RPA3: variants seen among roughly 807,000 people sequenced by gnomAD.
The protein encoded by RPA3 is replication protein A 14 kDa subunit.
In RPA3, 24 loss-of-function variants were observed where a neutral mutation model predicts 13.7. The observed-to-expected ratio is 1.75, with a 90% CI of 1.27 to 2.46. The LOEUF (loss-of-function observed/expected upper bound fraction) is 2.46, where lower values mean the gene tolerates loss of function less well. RPA3 is among the 30% of genes most tolerant of loss of function. RPA3 has a pLI of 0.00. For synonymous variants in RPA3, 59 were observed against 51.2 expected (o/e 1.15, Z -0.65); for missense variants, 183 against 151.0 (o/e 1.21, Z -1.11).
chr7:7,639,192 T>C (rs1188804470), intron 5 of RPA3, 48 bp from the exon 6 acceptor site: 1 of 1,471,382 alleles, frequency 6.8e-7, no homozygotes, highest in Non-Finnish European at 9.4e-7. Context: ...AACAACAAAG[T>C]TTGACTAAAG....
intron 4 of RPA3, among the ~76,000 whole-genome samples, chr7:7,671,418 A>G (rs1406599289): frequency 2.0e-5 from 3 of 152,204 alleles, no homozygotes; most frequent in East Asian, 1.9e-4. Context: ...TGAGTGCCAC[A>G]TTAGTCTACA....
chr7:7,673,310 TAGCAGC>T, intron 4 of RPA3: 64,316 of 1,030,996 alleles, frequency 0.062, 2,448 homozygotes, highest in East Asian at 0.15. Flanking sequence ...CTATTTCAGG[TAGCAGC>T]AGCAGCAGCA....
chr7:7,697,332 A>G (rs1397260735), intron 2 of RPA3, among the ~76,000 whole-genome samples: 1 of 152,214 alleles, frequency 6.6e-6, no homozygotes, highest in African/African-American at 2.4e-5. Context: ...AGAATCCTCT[A>G]TTCTGCCAGA....
intron 2 of RPA3, among the ~76,000 whole-genome samples, chr7:7,707,105 A>C (rs926803755): frequency 9.9e-5 from 15 of 152,158 alleles, no homozygotes; most frequent in Non-Finnish European, 1.5e-5. Flanking sequence ...CTATTGTACT[A>C]CCATTCCCTG....
chr7:7,667,274 A>G (rs1383665875), intron 4 of RPA3, among the ~76,000 whole-genome samples: 1 of 152,196 alleles, frequency 6.6e-6, no homozygotes, highest in African/African-American at 2.4e-5. Context: ...TAAATGTAAA[A>G]TTTGCTCATT....
intron 2 of RPA3, among the ~76,000 whole-genome samples, chr7:7,703,921 G>A (rs771736939): frequency 2.0e-5 from 3 of 151,948 alleles, no homozygotes; most frequent in East Asian, 1.9e-4. Context: ...AAGCCTGGGC[G>A]ACAGATAACC....
intron 3 of RPA3, among the ~76,000 whole-genome samples, chr7:7,686,805 C>T (rs1780052052): frequency 6.6e-6 from 1 of 152,150 alleles, no homozygotes; most frequent in African/African-American, 2.4e-5. Flanking sequence ...AGTTTCTGGC[C>T]AATGGGATAT....
At chr7:7,647,606 A>G (rs763987390) in intron 4 of RPA3, among the ~76,000 whole-genome samples, 2 of 152,090 alleles carry the variant, frequency 1.3e-5, no homozygotes, top group Non-Finnish European at 2.9e-5. Context: ...GACTTTTGCT[A>G]TATATATACA....
chr7:7,688,777 A>C lies in RPA3; in HGVS notation c.-1027-1449T>G, dbSNP rs114651656. On this transcript the variant is annotated intron_variant, in intron 2 of 7. Coordinates refer to ENST00000223129, the MANE Select transcript of RPA3 (RefSeq NM_002947.5). ...ACATCTAACCCGCTGCGTATTTTAT[A>C]AAATTGTAAGCACATGACTATCAAA... Among the ~76,000 whole-genome samples, 680 of 152,300 alleles carry C rather than the reference A, an allele frequency of 4.5e-3. 7 individuals are homozygous for C. The highest frequency in any genetic ancestry group is 0.016 in the African/African-American group (654 of 41,556).
intron 6 of RPA3, chr7:7,638,779 C>G (rs1406587730): frequency 7.7e-6 from 2 of 258,628 alleles, no homozygotes; most frequent in Non-Finnish European, 7.2e-6. Flanking sequence ...AAGAAAAAAG[C>G]AACGTAAATT....
chr7:7,658,615 A>G (rs1785401491), intron 4 of RPA3, among the ~76,000 whole-genome samples: 1 of 152,124 alleles, frequency 6.6e-6, no homozygotes, highest in Non-Finnish European at 1.5e-5. Context: ...GATTACGTTT[A>G]TTGATTTGTG....
In RPA3 at chr7:7,704,598, GAA is replaced by G. The variant is rs35661728; in HGVS notation, c.-1028+10575_-1028+10576del. Among the ~76,000 whole-genome samples, 446 of 93,596 alleles carry G rather than the reference GAA, an allele frequency of 4.8e-3. 1 individual carries two copies. The highest frequency in any genetic ancestry group is 0.014 in the African/African-American group (347 of 25,650). 61.4% of individuals were successfully genotyped at this position (93,596 alleles called of 152,430 possible). ...GTGAAACCCTGTCTCTACTAAAATA[GAA>G]AAAAAAAAAAAAAAAAAATTAGCTG... On this transcript the variant is annotated intron_variant, in intron 2 of 7. Coordinates refer to ENST00000223129, the MANE Select transcript of RPA3 (RefSeq NM_002947.5).
intron 4 of RPA3, among the ~76,000 whole-genome samples, chr7:7,665,789 A>T (rs1305998697): frequency 1.3e-5 from 2 of 150,590 alleles, no homozygotes; most frequent in Non-Finnish European, 3.0e-5. Context: ...ATCATATAGT[A>T]TGAACTTTTA....
At chr7:7,662,387 C>T (rs981611629) in intron 4 of RPA3, among the ~76,000 whole-genome samples, 14 of 152,238 alleles carry the variant, frequency 9.2e-5, no homozygotes, top group African/African-American at 2.4e-4. Flanking sequence ...GCAGCTAGCT[C>T]GATGTCTGCC....
intron 4 of RPA3, among the ~76,000 whole-genome samples, chr7:7,642,677 C>T (rs1049240378): frequency 1.3e-5 from 2 of 152,020 alleles, no homozygotes; most frequent in Non-Finnish European, 2.9e-5. Context: ...TATAGCTAGC[C>T]GATTTGCATA....
intron 4 of RPA3, among the ~76,000 whole-genome samples, chr7:7,684,076 A>G (rs1191344827): frequency 3.3e-5 from 5 of 152,232 alleles, no homozygotes; most frequent in African/African-American, 1.2e-4. Flanking sequence ...ATCCTCCCAT[A>G]TACTTTAAAT....
chr7:7,697,377 C>T (rs1014713343), intron 2 of RPA3, among the ~76,000 whole-genome samples: 6 of 152,188 alleles, frequency 3.9e-5, no homozygotes, highest in Admixed American at 6.5e-5. Flanking sequence ...TCTTCTAAAA[C>T]ACCTATGAAA....
At chr7:7,654,240 T>C (rs1746561174) in intron 4 of RPA3, among the ~76,000 whole-genome samples, 1 of 152,224 alleles carries the variant, frequency 6.6e-6, no homozygotes, top group African/African-American at 2.4e-5. Context: ...CAAATTTATT[T>C]ACAAAGTAAT....
At chr7:7,690,792 A>G (rs2115136212) in intron 2 of RPA3, among the ~76,000 whole-genome samples, 1 of 150,598 alleles carries the variant, frequency 6.6e-6, no homozygotes, top group East Asian at 1.9e-4. Context: ...TTCCCTTCAC[A>G]TATAAATGCT....
Sources: allele counts gnomAD v4.1 joint callset (sites outside exome capture counted in the v4.1 genomes callset), GRCh38; gene constraint gnomAD v4.1.1; transcripts MANE v1.5; gene names NCBI Gene and HGNC (gene_info 2026-07-23, HGNC 2026-07-21).